TANGO6: variants seen among roughly 807,000 people sequenced by gnomAD.
TANGO6 encodes the protein transport and Golgi organization protein 6 homolog.
TANGO6 carries 90 observed loss-of-function variants against 114.2 expected under a neutral mutation model. That is an observed-to-expected ratio of 0.79 (90% CI 0.66 to 0.94). TANGO6 has a LOEUF of 0.94. Ranked by LOEUF, TANGO6 falls within the 40% of genes least tolerant of loss-of-function variation. The pLI, the probability that TANGO6 is intolerant of heterozygous loss-of-function variation, is 0.00. For synonymous variants in TANGO6, 477 were observed against 509.8 expected (o/e 0.94, Z 0.87); for missense variants, 1,274 against 1,315.3 (o/e 0.97, Z 0.49).
chr16:68,972,595 G>A (rs1032169508), intron 14 of TANGO6, among the ~76,000 whole-genome samples: 5 of 152,048 alleles, frequency 3.3e-5, no homozygotes, highest in Admixed American at 6.6e-5. Context: ...CATTTAGCAG[G>A]TAGTTACTGA....
intron 14 of TANGO6, among the ~76,000 whole-genome samples, chr16:68,942,682 C>T (rs1963366954): frequency 6.6e-6 from 1 of 152,076 alleles, no homozygotes; most frequent in African/African-American, 2.4e-5. Flanking sequence ...AAGATAAACA[C>T]TTTCATGTCA....
rs1435866469 is a variant in TANGO6 at position 68,900,471 on chromosome 16, T to A, written c.1415T>A (p.Met472Lys). The A allele has an allele frequency of 2.5e-6, 4 of 1,613,934 alleles. No individual in the cohort carries two copies. The African/African-American group carries it at 4.0e-5, about 16-fold the overall frequency. Reference sequence around the variant, plus strand: ...GGGAATGAACCTTTAACAGTTTTGATGGATTCCCTGCTTCCAGTCCTGGGA... The same window carrying A: ...GGGAATGAACCTTTAACAGTTTTGAAGGATTCCCTGCTTCCAGTCCTGGGA... The part of the protein sequence containing the change: ...VVGNEPLTVL[M>K]DSLLPVLGVL... The change falls in exon 8 of 18, where the codon ATG becomes AAG. Residue 472 changes from methionine (M) to lysine (K), a missense_variant. Transcript: ENST00000261778.
At chr16:69,016,203 G>T (rs1184450041) in intron 15 of TANGO6, among the ~76,000 whole-genome samples, 1 of 152,172 alleles carries the variant, frequency 6.6e-6, no homozygotes. Context: ...GAGAACATTG[G>T]CACATTGGAG....
intron 16 of TANGO6, among the ~76,000 whole-genome samples, chr16:69,033,285 C>T (rs1459535275): frequency 1.3e-5 from 2 of 152,142 alleles, no homozygotes; most frequent in Admixed American, 1.3e-4. Flanking sequence ...TGCTTAGTTC[C>T]AGGGTGTGCT....
At chr16:68,879,276 G>A (rs918446061) in intron 6 of TANGO6, among the ~76,000 whole-genome samples, 2 of 152,038 alleles carry the variant, frequency 1.3e-5, no homozygotes, top group Non-Finnish European at 2.9e-5. Flanking sequence ...GAGCCCAGGA[G>A]TTTGCAACCA....
intron 17 of TANGO6, among the ~76,000 whole-genome samples, chr16:69,068,601 G>GT (rs749925734): frequency 2.9e-4 from 44 of 152,318 alleles, no homozygotes; most frequent in Non-Finnish European, 5.3e-4. Flanking sequence ...CCTCAGTGAT[G>GT]TAAGAGTTAC....
At chr16:69,024,821 A>G (rs1283107612) in intron 16 of TANGO6, among the ~76,000 whole-genome samples, 1 of 150,426 alleles carries the variant, frequency 6.6e-6, no homozygotes, top group Admixed American at 6.6e-5. Flanking sequence ...CTTTTTTTTT[A>G]TTCAAATGGA....
At position 69,013,305 on chromosome 16, in the gene TANGO6, A is replaced by G. The variant is rs551308359; in HGVS notation, c.2843-9523A>G. On this transcript the variant is annotated intron_variant, in intron 15 of 17. Coordinates refer to ENST00000261778, the MANE Select transcript of TANGO6 (RefSeq NM_024562.2). ...TCTTTTGTTATACTTTGGTTATAAAATTGACTTTTGAGCCATTTTAAAAAT... is the reference window on the plus strand; with the variant it reads ...TCTTTTGTTATACTTTGGTTATAAAGTTGACTTTTGAGCCATTTTAAAAAT... 2.0e-5 allele frequency among the ~76,000 whole-genome samples: 3 copies of G among 152,230 alleles called. No individual in the cohort carries two copies. In the East Asian group the frequency reaches 5.8e-4, roughly 29 times the overall value.
chr16:69,067,765 C>T (rs1219233220), intron 17 of TANGO6, among the ~76,000 whole-genome samples: 2 of 151,886 alleles, frequency 1.3e-5, no homozygotes, highest in East Asian at 3.9e-4. Flanking sequence ...TGGAGAAACC[C>T]TGTCTCTACT....
chr16:68,866,127 A>C (rs867533892), intron 3 of TANGO6, among the ~76,000 whole-genome samples: 1 of 152,226 alleles, frequency 6.6e-6, no homozygotes, highest in South Asian at 2.1e-4. Flanking sequence ...TGTGTTCCGA[A>C]GATCTACATT....
chr16:68,904,632 A>G (rs139704149), intron 9 of TANGO6, among the ~76,000 whole-genome samples: 2 of 152,328 alleles, frequency 1.3e-5, no homozygotes, highest in African/African-American at 2.4e-5. Context: ...AAAAAATTTT[A>G]TGTCATTGGT....
intron 17 of TANGO6, among the ~76,000 whole-genome samples, chr16:69,061,885 G>A (rs1464309281): frequency 1.3e-5 from 2 of 152,048 alleles, no homozygotes; most frequent in South Asian, 2.1e-4. Context: ...CGGGCATGGT[G>A]GTGGGCGCCT....
rs891590402 is a variant in TANGO6, at chr16:69,061,962, C to T, written c.3109-21523C>T. 2.7e-5 allele frequency among the ~76,000 whole-genome samples: 4 copies of T among 150,642 alleles called. No individual in the cohort carries two copies. In the South Asian group the frequency reaches 6.3e-4, roughly 24 times the overall value. ...TGAACCCAGGAGGCGGAGGTTGCAGCGAGCCGAGATCGCTCCACTGGCACT... is the reference window on the plus strand; with the variant it reads ...TGAACCCAGGAGGCGGAGGTTGCAGTGAGCCGAGATCGCTCCACTGGCACT... On this transcript the variant is annotated intron_variant, in intron 17 of 17. Coordinates refer to ENST00000261778, the MANE Select transcript of TANGO6 (RefSeq NM_024562.2).
At position 69,048,956 on chromosome 16, in the gene TANGO6, G is replaced by T. The variant is rs1959903981; in HGVS notation, c.3108+8535G>T. On this transcript the variant is annotated intron_variant, in intron 17 of 17. Transcript: ENST00000261778. ...GTCAAAGCCAGGCCCAGGCAGATGG[G>T]GCCGGCCTTCTGCAAGGCTGCTGCT... is the stretch of plus-strand genomic sequence containing the variant. 2.0e-5 allele frequency among the ~76,000 whole-genome samples: 3 copies of T among 152,070 alleles called. No individual in the cohort carries two copies. In the South Asian group the frequency reaches 6.2e-4, roughly 32 times the overall value.
At chr16:68,909,027 A>G (rs1962888249) in intron 10 of TANGO6, among the ~76,000 whole-genome samples, 184 bp from the exon 11 acceptor site, 1 of 152,244 alleles carries the variant, frequency 6.6e-6, no homozygotes, top group South Asian at 2.1e-4. Context: ...TAAATACATC[A>G]TAATTTTTTC....
intron 12 of TANGO6, among the ~76,000 whole-genome samples, chr16:68,923,955 T>C (rs1007858834): frequency 1.3e-5 from 2 of 152,192 alleles, no homozygotes; most frequent in East Asian, 3.9e-4. Context: ...TCATGTGTTA[T>C]CAGGGGCAAA....
At chr16:68,961,353 C>CG (rs1870804543) in intron 14 of TANGO6, among the ~76,000 whole-genome samples, 1 of 152,210 alleles carries the variant, frequency 6.6e-6, no homozygotes, top group Non-Finnish European at 1.5e-5. Flanking sequence ...AGTCCTGCCC[C>CG]GCCACATGGC....
At chr16:68,875,388 T>C (rs1962338447) in intron 5 of TANGO6, 98 bp downstream of exon 5, 2 of 1,394,932 alleles carry the variant, frequency 1.4e-6, no homozygotes, top group Non-Finnish European at 1.9e-6. Context: ...AAAAGCAGTA[T>C]AATATTTAAG....
chr16:69,056,801 C>T (rs998101959), intron 17 of TANGO6, among the ~76,000 whole-genome samples: 2 of 151,888 alleles, frequency 1.3e-5, no homozygotes, highest in Non-Finnish European at 2.9e-5. Context: ...GTTACAGTAA[C>T]CCCGAGTATC....
Sources: gnomAD v4.1 joint callset for allele counts (sites outside exome capture counted in the v4.1 genomes callset) on GRCh38, gnomAD v4.1.1 for gene constraint, MANE v1.5 for transcripts, NCBI Gene and HGNC (gene_info 2026-07-23, HGNC 2026-07-21) for gene names.